Variants in ZNF800 observed in about 807,000 individuals in gnomAD.
The protein encoded by ZNF800 is zinc finger protein 800.
Under a neutral mutation model 59.5 loss-of-function variants are expected in ZNF800, and 13 were observed. That is an observed-to-expected ratio of 0.22 (90% CI 0.14 to 0.35). The LOEUF is 0.35. Among genes scored for constraint, ZNF800 ranks in the 10% least tolerant of loss-of-function variants. The probability of loss-of-function intolerance (pLI) is 1.00; values close to 1 mark genes in which losing one functional copy is unlikely to be tolerated. For synonymous variants in ZNF800, 266 were observed against 265.7 expected (o/e 1.00, Z -0.01); for missense variants, 621 against 783.7 (o/e 0.79, Z 2.48).
At chr7:127,372,296 C>G (rs1800653010) in intron 5 of ZNF800, among the ~76,000 whole-genome samples, 1 of 151,918 alleles carries the variant, frequency 6.6e-6, no homozygotes, top group African/African-American at 2.4e-5. Context: ...GCCTGACCAA[C>G]ATGATGAAAC....
At chr7:127,380,347 T>C (rs550179548) in intron 3 of ZNF800, among the ~76,000 whole-genome samples, 1 of 152,172 alleles carries the variant, frequency 6.6e-6, no homozygotes, top group Non-Finnish European at 1.5e-5. Context: ...CTCTATGTAT[T>C]AAAAAAACCT....
chr7:127,352,521 G>C (rs1263684841), intron 1 of ZNF800, among the ~76,000 whole-genome samples: 2 of 152,190 alleles, frequency 1.3e-5, no homozygotes, highest in Admixed American at 1.3e-4. Context: ...TGAGTGTGTT[G>C]CACTACCAGA....
chr7:127,380,893 T>G (rs1249654770), intron 3 of ZNF800, among the ~76,000 whole-genome samples: 1 of 152,220 alleles, frequency 6.6e-6, no homozygotes, highest in Non-Finnish European at 1.5e-5. Flanking sequence ...TAGCTAAAGA[T>G]TAATGACTGT....
At chr7:127,360,960 C>A (rs7805256) in intron 1 of ZNF800, 118,128 of 151,992 alleles carry the variant, frequency 0.78, 46,156 homozygotes, top group East Asian at 0.95. Context: ...TCCAAAATGC[C>A]TTCCCTCCAC....
intron 5 of ZNF800, chr7:127,372,998 A>G: frequency 1.0e-6 from 1 of 985,218 alleles, no homozygotes. Context: ...AAACCTGTGC[A>G]AAGTTAGTTA....
chr7:127,383,290 T>G (rs1361946189), intron 3 of ZNF800, among the ~76,000 whole-genome samples: 1 of 152,232 alleles, frequency 6.6e-6, no homozygotes, highest in Non-Finnish European at 1.5e-5. Flanking sequence ...CAGTTGAAGA[T>G]AACTATCTGA....
chr7:127,379,299 C>A (rs983041463), intron 3 of ZNF800, among the ~76,000 whole-genome samples: 12 of 152,098 alleles, frequency 7.9e-5, no homozygotes, highest in African/African-American at 2.9e-4. Flanking sequence ...TTTGGCTAAG[C>A]CTAATTGACC....
intron 1 of ZNF800, chr7:127,364,053 A>C (rs1230836612): frequency 1.3e-5 from 2 of 152,136 alleles, no homozygotes; most frequent in African/African-American, 2.4e-5. Flanking sequence ...AATATATTAC[A>C]GAAGTTCATT....
At chr7:127,349,787 C>A (rs146151634) in intron 1 of ZNF800, 2 of 152,188 alleles carry the variant, frequency 1.3e-5, no homozygotes, top group African/African-American at 4.8e-5. Context: ...CTCTCAAAAA[C>A]CTTAATATTC....
At chr7:127,378,255 TA>T (rs568797453) in intron 3 of ZNF800, among the ~76,000 whole-genome samples, 3 of 151,954 alleles carry the variant, frequency 2.0e-5, no homozygotes, top group African/African-American at 7.2e-5. Context: ...AAATAAATGG[TA>T]AAAAGCACCT....
chr7:127,364,564 G>C (rs139636529), intron 1 of ZNF800: 10 of 152,272 alleles, frequency 6.6e-5, no homozygotes, highest in African/African-American at 2.4e-4. Flanking sequence ...CTAGGTTCAA[G>C]GTAGTATAGA....
At chr7:127,373,281 A>T in intron 5 of ZNF800, 61 bp downstream of exon 5, 8 of 1,524,396 alleles carry the variant, frequency 5.2e-6, no homozygotes, top group Admixed American at 2.3e-5. Context: ...ATTATGGTCA[A>T]ATGATTTTTT....
At chr7:127,345,129 C>T (rs1033243856), downstream of ZNF800, among the ~76,000 whole-genome samples, 1 of 152,086 alleles carries the variant, frequency 6.6e-6, no homozygotes, top group Non-Finnish European at 1.5e-5. Context: ...GAAAAGTGAA[C>T]CCTCAACAGA....
At chr7:127,378,492 G>C (rs1800854341) in intron 3 of ZNF800, among the ~76,000 whole-genome samples, 1 of 152,020 alleles carries the variant, frequency 6.6e-6, no homozygotes, top group Admixed American at 6.6e-5. Context: ...CCTTAAGACT[G>C]TCTAGGTGCA....
At chr7:127,378,547 T>C (rs1197730366) in intron 3 of ZNF800, among the ~76,000 whole-genome samples, 1 of 152,118 alleles carries the variant, frequency 6.6e-6, no homozygotes. Context: ...TATTAGGCTC[T>C]GGGACTACTA....
At chr7:127,343,091 CCAAAGG>C (rs1799996270), downstream of ZNF800, among the ~76,000 whole-genome samples, 2 of 151,376 alleles carry the variant, frequency 1.3e-5, no homozygotes, top group Admixed American at 1.3e-4. Flanking sequence ...AAAGCTGTGC[CCAAAGG>C]CAAAGTTATA....
rs780039981 is a variant in ZNF800, at chr7:127,391,520, T to C, written c.38A>G (p.His13Arg). 7 of 1,614,052 alleles carry C rather than the reference T, an allele frequency of 4.3e-6. No homozygotes were observed. The highest frequency in any genetic ancestry group is 1.7e-5 in the Admixed American group (1 of 59,998). ...ACCTGGTTCACAGCATCCGTGATGATGGTGGTCAGTCTGACAGTATTTGTC... is the reference window on the plus strand; with the variant it reads ...ACCTGGTTCACAGCATCCGTGATGACGGTGGTCAGTCTGACAGTATTTGTC... ...LRDKYCQTDH[H>R]HHGCCEPVYI... The change falls in exon 2 of 6, where the codon CAT becomes CGT. Residue 13 changes from histidine to arginine, a missense_variant. His to Arg is a conservative substitution (Grantham distance 29). Transcript: ENST00000265827.
chr7:127,352,405 G>A (rs1800184217), intron 1 of ZNF800, among the ~76,000 whole-genome samples: 4 of 152,166 alleles, frequency 2.6e-5, no homozygotes. Context: ...AAGAAATGAA[G>A]AAAGCAAAAG....
rs2117173633 is a variant in ZNF800 at position 127,383,243 on chromosome 7, G to A, written c.157+2817C>T. 1.3e-5 allele frequency among the ~76,000 whole-genome samples: 2 copies of A among 152,282 alleles called. 1 individual carries two copies. The highest frequency in any genetic ancestry group is 3.9e-4 in the East Asian group (2 of 5,186). On this transcript the variant is annotated intron_variant, in intron 3 of 5. Transcript: ENST00000265827. The stretch of plus-strand genomic sequence containing the variant: ...AATACCTGGTCATAGACAGCCCAGT[G>A]TAGGCAGAAGGTGAGACACAAAAGG...
Sources: gnomAD v4.1 joint callset for allele counts (sites outside exome capture counted in the v4.1 genomes callset) on GRCh38, gnomAD v4.1.1 for gene constraint, MANE v1.5 for transcripts, NCBI Gene and HGNC (gene_info 2026-07-23, HGNC 2026-07-21) for gene names.